DENND1B: variants seen among roughly 807,000 people sequenced by gnomAD.
The protein encoded by DENND1B is DENN domain-containing protein 1B.
Under a neutral mutation model 90.1 loss-of-function variants are expected in DENND1B, and 59 were observed. The ratio of observed to expected loss-of-function variants is 0.65; its 90% confidence interval spans 0.53 to 0.81. DENND1B has a LOEUF of 0.81. DENND1B is among the 40% of genes least tolerant of loss of function. DENND1B has a pLI of 0.00. For missense variants in DENND1B, 862 were observed against 912.6 expected, an observed-to-expected ratio of 0.94 and a Z score of 0.71; for synonymous variants, 337 against 324.6, an observed-to-expected ratio of 1.04 and a Z score of -0.41.
chr1:197,600,446 T>A (rs1676099674), intron 13 of DENND1B, among the ~76,000 whole-genome samples: 1 of 151,736 alleles, frequency 6.6e-6, no homozygotes, highest in African/African-American at 2.4e-5. Context: ...AAAAGGGATA[T>A]GAATACCCCT....
At chr1:197,511,662 C>G in intron 22 of DENND1B, 66 bp downstream of exon 22, 1 of 1,301,478 alleles carries the variant, frequency 7.7e-7, no homozygotes, top group Non-Finnish European at 1.0e-6. Flanking sequence ...AGTATAAGAT[C>G]CAGTAATCAC....
intron 15 of DENND1B, among the ~76,000 whole-genome samples, chr1:197,554,197 C>T (rs531917355): frequency 6.6e-6 from 1 of 151,232 alleles, no homozygotes; most frequent in Non-Finnish European, 1.5e-5. Flanking sequence ...ATTTGTGGCA[C>T]CTAGAATTTG....
At chr1:197,694,424 C>G (rs1431578696) in intron 3 of DENND1B, among the ~76,000 whole-genome samples, 1 of 151,362 alleles carries the variant, frequency 6.6e-6, no homozygotes, top group Non-Finnish European at 1.5e-5. Context: ...ACTTTAACTT[C>G]TTTTCAAACT....
chr1:197,545,767 T>C (rs1292009667), intron 18 of DENND1B, 155 bp downstream of exon 18: 2 of 600,838 alleles, frequency 3.3e-6, no homozygotes, highest in Non-Finnish European at 5.6e-6. Context: ...GTTATAATTT[T>C]AACAATTGAA....
intron 20 of DENND1B, among the ~76,000 whole-genome samples, chr1:197,517,094 CATA>C (rs1668453654): frequency 1.3e-5 from 2 of 151,852 alleles, no homozygotes; most frequent in African/African-American, 4.8e-5. Flanking sequence ...ATTCAAATTT[CATA>C]CTTCTTTGTG....
intron 15 of DENND1B, among the ~76,000 whole-genome samples, chr1:197,577,944 C>T (rs1034338091): frequency 6.6e-6 from 1 of 152,054 alleles, no homozygotes; most frequent in African/African-American, 2.4e-5. Flanking sequence ...GAAAATACAG[C>T]CTATTACTGG....
intron 14 of DENND1B, 136 bp downstream of exon 14, chr1:197,595,071 CA>C: frequency 8.4e-7 from 1 of 1,189,708 alleles, no homozygotes; most frequent in Non-Finnish European, 1.1e-6. Flanking sequence ...TGTTTTGAAA[CA>C]CATTATTTTG....
chr1:197,599,678 G>A (rs1676024680), intron 13 of DENND1B, among the ~76,000 whole-genome samples: 1 of 151,720 alleles, frequency 6.6e-6, no homozygotes, highest in African/African-American at 2.4e-5. Flanking sequence ...TTATTAAGAA[G>A]CAAAATTAAC....
chr1:197,529,520 A>G (rs1395939678), intron 20 of DENND1B, among the ~76,000 whole-genome samples: 2 of 151,624 alleles, frequency 1.3e-5, no homozygotes, highest in African/African-American at 4.9e-5. Context: ...GTCGACTTGT[A>G]ATACAGCTAA....
At chr1:197,537,363 T>C (rs1669987800) in intron 20 of DENND1B, among the ~76,000 whole-genome samples, 1 of 152,140 alleles carries the variant, frequency 6.6e-6, no homozygotes, top group Admixed American at 6.5e-5. Flanking sequence ...TGCTAATCAA[T>C]GCAGATAACT....
At chr1:197,626,654 A>G (rs1218001770) in intron 10 of DENND1B, among the ~76,000 whole-genome samples, 73 of 151,948 alleles carry the variant, frequency 4.8e-4, no homozygotes, top group Non-Finnish European at 9.4e-4. Context: ...AAAACTAGCA[A>G]AAGGCAAGAA....
chr1:197,673,705 T>C (rs767615088), intron 4 of DENND1B, among the ~76,000 whole-genome samples: 8 of 152,116 alleles, frequency 5.3e-5, no homozygotes, highest in Non-Finnish European at 7.4e-5. Context: ...CAAGTAGCCA[T>C]GAGTTTTACA....
Position 197,658,381 on chromosome 1 carries a change from T to A in DENND1B, c.297-12A>T. 1 of 1,547,978 alleles carries A rather than the reference T, an allele frequency of 6.5e-7. No individual in the cohort carries two copies. The highest frequency in any genetic ancestry group is 1.4e-5 in the African/African-American group (1 of 73,410). ...ACCAGGGAAGGTAACTGTAAAATAA[T>A]TATTTTAAAATGTATATACATAAAA... On this transcript the variant is annotated splice_polypyrimidine_tract_variant and intron_variant, in intron 5 of 22. Transcript: ENST00000620048.
intron 3 of DENND1B, among the ~76,000 whole-genome samples, chr1:197,686,801 T>G (rs950459755): frequency 1.3e-5 from 2 of 152,040 alleles, no homozygotes; most frequent in African/African-American, 2.4e-5. Flanking sequence ...CATATTGGTG[T>G]TCCCTCTGGA....
chr1:197,595,687 G>A (rs1246973615), intron 13 of DENND1B, among the ~76,000 whole-genome samples: 1 of 151,994 alleles, frequency 6.6e-6, no homozygotes, highest in African/African-American at 2.4e-5. Flanking sequence ...AGCAGGTTAG[G>A]TTTTGTTCGT....
At chr1:197,556,700 AT>A (rs1671746615) in intron 15 of DENND1B, among the ~76,000 whole-genome samples, 1 of 151,970 alleles carries the variant, frequency 6.6e-6, no homozygotes. Context: ...CTCTAAGACT[AT>A]TTCTCCTTCT....
In DENND1B at chr1:197,556,529, A is replaced by G. The variant is rs998708048; in HGVS notation, c.1150-3417T>C. On this transcript the variant is annotated intron_variant, in intron 15 of 22. Transcript: ENST00000620048. ...AGTTGTTCTCACAAAACTTAGAACT[A>G]TTTGAGGACAAGGACCATACATTAC... Among the ~76,000 whole-genome samples, 18 of 152,148 alleles carry G rather than the reference A, an allele frequency of 1.2e-4. 1 individual carries two copies. The highest frequency in any genetic ancestry group is 9.8e-4 in the Admixed American group (15 of 15,252).
intron 11 of DENND1B, among the ~76,000 whole-genome samples, chr1:197,617,202 T>C (rs923758794): frequency 3.3e-5 from 5 of 151,048 alleles, no homozygotes; most frequent in Admixed American, 1.3e-4. Context: ...ACTTGGTATT[T>C]GGTGTGCTAT....
chr1:197,584,406 A>C (rs1200995450), intron 14 of DENND1B, among the ~76,000 whole-genome samples: 1 of 152,192 alleles, frequency 6.6e-6, no homozygotes, highest in Non-Finnish European at 1.5e-5. Flanking sequence ...TCAGTTCCTC[A>C]GTCATACTAG....
Sources: allele counts gnomAD v4.1 joint callset (sites outside exome capture counted in the v4.1 genomes callset), GRCh38; gene constraint gnomAD v4.1.1; transcripts MANE v1.5; gene names NCBI Gene and HGNC (gene_info 2026-07-23, HGNC 2026-07-21).